Variants in NOC4L observed in about 807,000 individuals in gnomAD.
NOC4L encodes nucleolar complex associated 4 homolog.
Under a neutral mutation model 62.8 loss-of-function variants are expected in NOC4L, and 40 were observed. That is an observed-to-expected ratio of 0.64 (90% CI 0.49 to 0.83). The LOEUF is 0.83. Among genes scored for constraint, NOC4L ranks in the 40% least tolerant of loss-of-function variants. The probability of loss-of-function intolerance (pLI) is 0.00; values close to 1 mark genes in which losing one functional copy is unlikely to be tolerated. For missense variants in NOC4L, 927 were observed against 701.9 expected (o/e 1.32, Z -3.62); for synonymous variants, 433 against 299.8 (o/e 1.44, Z -4.59).
chr12:132,149,134 CTCCT>C, intron 9 of NOC4L, among the ~76,000 whole-genome samples: 1 of 60,208 alleles, frequency 1.7e-5, no homozygotes, highest in Middle Eastern at 0.013. Context: ...CGCCGCCTCA[CTCCT>C]ACCACACCCC....
intron 2 of NOC4L, 134 bp from the exon 3 acceptor site, chr12:132,145,425 T>C: frequency 1.6e-6 from 1 of 610,620 alleles, no homozygotes; most frequent in Non-Finnish European, 2.9e-6. Flanking sequence ...TCTGGGGGCC[T>C]TAGCGACCTG....
chr12:132,151,064 G>A, intron 10 of NOC4L, 23 bp downstream of exon 10: 2 of 1,602,046 alleles, frequency 1.2e-6, no homozygotes, highest in Non-Finnish European at 1.7e-6. Flanking sequence ...AGGGGTGCAG[G>A]TCTTCTTCCC....
In NOC4L at chr12:132,151,377, C is replaced by A; in HGVS notation, c.1073+9C>A. The A allele has an allele frequency of 6.2e-7, 1 of 1,607,710 alleles. No homozygotes were observed. Among genetic ancestry groups the A allele is most frequent in the Non-Finnish European group, 8.5e-7 (1 of 1,179,670 alleles). On this transcript the variant is annotated intron_variant, in intron 11 of 14. Transcript: ENST00000330579. Reference sequence around the variant, plus strand: ...CTCTTCCTGTCCTCCTCGTGAGTACCAGGGCACCTGGCTCTGCCCTGCTCT... The same window carrying A: ...CTCTTCCTGTCCTCCTCGTGAGTACAAGGGCACCTGGCTCTGCCCTGCTCT...
rs538101406 is a variant in NOC4L, at chr12:132,151,300, C to T, written c.1005C>T (p.Asp335=). The stretch of plus-strand genomic sequence containing the variant: ...ACCGGAAGCTCTACGGCCTCTTGGA[C>T]CCCTCTGTCTTTCACGTCAAGTACC... The part of the protein sequence containing the change: ...DFYRKLYGLL[D]PSVFHVKYRA... Residue 335 remains aspartate (D), a synonymous_variant, in exon 11 of 15, where the codon GAC becomes GAT. Coordinates refer to ENST00000330579, the MANE Select transcript of NOC4L (RefSeq NM_024078.3). 3.6e-5 allele frequency: 58 copies of T among 1,612,000 alleles called. No homozygotes were observed. Among genetic ancestry groups the T allele is most frequent in the Middle Eastern group, 1.7e-4 (1 of 6,060 alleles).
rs766798878 is a variant in NOC4L at position 132,151,549 on chromosome 12, C to T, written c.1139C>T (p.Pro380Leu). 26 of 1,609,290 alleles carry T rather than the reference C, an allele frequency of 1.6e-5. No homozygotes were observed. The highest frequency in any genetic ancestry group is 1.3e-4 in the East Asian group (6 of 44,820). The change falls in exon 12 of 15, where the codon CCC becomes CTC. Residue 380 changes from proline (P) to leucine (L), a missense_variant. By Grantham distance (98) the Pro-to-Leu change is moderately conservative. Coordinates refer to ENST00000330579, the MANE Select transcript of NOC4L (RefSeq NM_024078.3). ...KRLARLALTA[P>L]PEALLMVLPF... ...CTGGCCCGCCTGGCCCTGACGGCTC[C>T]CCCTGAGGCCCTGCTCATGGTCCTG... is the stretch of plus-strand genomic sequence containing the variant.
chr12:132,148,735 C>CCCCCCGGGGGGGGGGGGGGGGGGG, intron 8 of NOC4L, 49 bp from the exon 9 acceptor site: 1 of 1,309,292 alleles, frequency 7.6e-7, no homozygotes, highest in Non-Finnish European at 1.0e-6. Flanking sequence ...CCCGACCCGC[C>CCCCCCGGGGGGGGGGGGGGGGGGG]GGCCCCCGCC....
At chr12:132,148,372 G>A (rs573546972) in intron 7 of NOC4L, among the ~76,000 whole-genome samples, 17 of 152,318 alleles carry the variant, frequency 1.1e-4, no homozygotes, top group South Asian at 2.1e-4. Flanking sequence ...TGTTTTGGGC[G>A]CAGCCCCCCT....
chr12:132,148,733 G>GC, intron 8 of NOC4L, 51 bp from the exon 9 acceptor site: 17 of 217,918 alleles, frequency 7.8e-5, no homozygotes, highest in South Asian at 2.2e-4. Flanking sequence ...ACCCCGACCC[G>GC]CCGGCCCCCG....
At chr12:132,151,671 G>C (rs1872952500) in intron 12 of NOC4L, 27 bp downstream of exon 12, 1 of 1,611,548 alleles carries the variant, frequency 6.2e-7, no homozygotes, top group East Asian at 2.2e-5. Flanking sequence ...TCGGAGGCTG[G>C]GCTGGAGCTG....
rs576894396 is a variant in NOC4L, at chr12:132,148,889, G to A, written c.895G>A (p.Asp299Asn). 26 of 1,586,708 alleles carry A rather than the reference G, an allele frequency of 1.6e-5. No homozygotes were observed. Among genetic ancestry groups the A allele is most frequent in the South Asian group, 6.7e-5 (6 of 89,510 alleles). ...LMIDFLTRAC[D>N]LGGALSLLAL... ...GATCGACTTCCTCACCCGCGCCTGC[G>A]ACCTCGGTGAGTGCCGCCGCCTCGC... Residue 299 changes from aspartate to asparagine, a missense_variant, in exon 9 of 15, where the codon GAC becomes AAC. By Grantham distance (23) the Asp-to-Asn change is conservative. Transcript: ENST00000330579.
In NOC4L at chr12:132,151,421, G is replaced by T. The variant is rs552507064; in HGVS notation, c.1073+53G>T. The stretch of plus-strand genomic sequence containing the variant: ...CTGCTCTGTGCGGCTGCAGCCTGGG[G>T]CCAGGGGAGGGTGGTGGGGGCTAGC... On this transcript the variant is annotated intron_variant, in intron 11 of 14. Transcript: ENST00000330579. The T allele has an allele frequency of 5.0e-6, 8 of 1,601,862 alleles. No individual in the cohort carries two copies. In the Admixed American group the frequency reaches 8.3e-5, roughly 17 times the overall value.
At chr12:132,148,044 G>T in intron 6 of NOC4L, 28 bp from the exon 7 acceptor site, 1 of 1,613,494 alleles carries the variant, frequency 6.2e-7, no homozygotes, top group East Asian at 2.2e-5. Flanking sequence ...TGCGGGTCAG[G>T]TGACCTTTGC....
At chr12:132,151,686 G>T in intron 12 of NOC4L, 42 bp downstream of exon 12, 1 of 1,611,622 alleles carries the variant, frequency 6.2e-7, no homozygotes, top group Non-Finnish European at 8.5e-7. Context: ...GAGCTGGGGC[G>T]GGGGTGCCTG....
intron 1 of NOC4L, 54 bp downstream of exon 1, chr12:132,144,659 A>G: frequency 1.5e-6 from 2 of 1,352,466 alleles, no homozygotes; most frequent in Non-Finnish European, 1.9e-6. Context: ...CGGGACTTGA[A>G]TGGGGGGCTG....
intron 2 of NOC4L, 72 bp from the exon 3 acceptor site, chr12:132,145,487 T>G: frequency 3.0e-5 from 30 of 1,006,260 alleles, no homozygotes; most frequent in Non-Finnish European, 4.2e-5. Context: ...GAGCCAGGCC[T>G]GAGATTTTGG....
chr12:132,152,131 C>T lies in NOC4L; in HGVS notation c.1365C>T (p.Val455=). 1.2e-6 allele frequency: 2 copies of T among 1,612,478 alleles called. No homozygotes were observed. Among genetic ancestry groups the T allele is most frequent in the East Asian group, 2.2e-5 (1 of 44,884 alleles). ...CTGAGGTGTCCAAAGCCGCCAGCGTCATCAACCAGGCCCTGTCCATGCCTG... is the reference window on the plus strand; with the variant it reads ...CTGAGGTGTCCAAAGCCGCCAGCGTTATCAACCAGGCCCTGTCCATGCCTG... ...YHPEVSKAAS[V]INQALSMPEV... The change falls in exon 14 of 15, where the codon GTC becomes GTT. Residue 455 remains valine, a synonymous_variant. Coordinates refer to ENST00000330579, the MANE Select transcript of NOC4L (RefSeq NM_024078.3).
In NOC4L at chr12:132,147,626, C is replaced by T; in HGVS notation, c.454-7C>T. Reference sequence around the variant, plus strand: ...GGGCAGGGCTGCTCACTGGTCCTTGCCCCTAGTTGGTGGTGGGAGGCCTGC... The same window carrying T: ...GGGCAGGGCTGCTCACTGGTCCTTGTCCCTAGTTGGTGGTGGGAGGCCTGC... On this transcript the variant is annotated splice_region_variant and splice_polypyrimidine_tract_variant and intron_variant, in intron 4 of 14. Coordinates refer to ENST00000330579, the MANE Select transcript of NOC4L (RefSeq NM_024078.3). The T allele has an allele frequency of 6.2e-7, 1 of 1,612,386 alleles. No individual in the cohort carries two copies. The highest frequency in any genetic ancestry group is 8.5e-7 in the Non-Finnish European group (1 of 1,179,702).
chr12:132,152,341 A>T lies in NOC4L; in HGVS notation c.1491A>T (p.Pro497=), dbSNP rs1411110237. 4 of 1,569,766 alleles carry T rather than the reference A, an allele frequency of 2.5e-6. No homozygotes were observed. The highest frequency in any genetic ancestry group is 3.3e-4 in the Middle Eastern group (2 of 6,020). ...GPEPVPLEFI[P]AQGLLGRPGE... The stretch of plus-strand genomic sequence containing the variant: ...AGCCGGTGCCACTGGAGTTTATCCC[A>T]GCCCAGGGCCTGCTGGGACGGCCGG... Residue 497 remains proline, a synonymous_variant, in exon 15 of 15, where the codon CCA becomes CCT. Coordinates refer to ENST00000330579, the MANE Select transcript of NOC4L (RefSeq NM_024078.3).
At chr12:132,145,793 C>A in intron 3 of NOC4L, 128 bp downstream of exon 3, 1 of 631,282 alleles carries the variant, frequency 1.6e-6, no homozygotes, top group Non-Finnish European at 2.8e-6. Flanking sequence ...GGAGCATCAC[C>A]CTGTGGGTGT....
Sources: allele counts gnomAD v4.1 joint callset (sites outside exome capture counted in the v4.1 genomes callset), GRCh38; gene constraint gnomAD v4.1.1; transcripts MANE v1.5; gene names NCBI Gene and HGNC (gene_info 2026-07-23, HGNC 2026-07-21).